The following TRAPPC9 variants were observed in gnomAD, a reference collection of about 807,000 sequenced individuals.
TRAPPC9 encodes IKK2 binding protein.
A neutral mutation model predicts 124.0 loss-of-function variants in TRAPPC9; 83 were observed. The ratio of observed to expected loss-of-function variants is 0.67; its 90% confidence interval spans 0.56 to 0.80. TRAPPC9 has a LOEUF of 0.80. Among genes scored for constraint, TRAPPC9 ranks in the 30% least tolerant of loss-of-function variants. The probability of loss-of-function intolerance (pLI) is 0.00; values close to 1 mark genes in which losing one functional copy is unlikely to be tolerated. For synonymous variants in TRAPPC9, 638 were observed against 617.5 expected (o/e 1.03, Z -0.49); for missense variants, 1,302 against 1,508.3 (o/e 0.86, Z 2.27).
chr8:139,843,131 C>A (rs562328686), intron 21 of TRAPPC9, among the ~76,000 whole-genome samples: 3 of 152,116 alleles, frequency 2.0e-5, no homozygotes, highest in Admixed American at 2.0e-4. Flanking sequence ...GGTGGGCACT[C>A]GACACATAGG....
Position 140,265,528 on chromosome 8 carries a change from T to TGGGCCTG in TRAPPC9, c.2278+10123_2278+10129dup, listed in dbSNP as rs1054094507. 1.6e-4 allele frequency among the ~76,000 whole-genome samples: 25 copies of TGGGCCTG among 152,290 alleles called. No homozygotes were observed. The South Asian group carries it at 1.9e-3, about 11-fold the overall frequency. ...TTAATATGTGTTTGCACCTCAAAAGTGGGCCTGTTTTCCCCATCCTTCCTG... is the reference window on the plus strand; with the variant it reads ...TTAATATGTGTTTGCACCTCAAAAGTGGGCCTGGGGCCTGTTTTCCCCATCCTTCCTG... On this transcript the variant is annotated intron_variant, in intron 15 of 22. Coordinates refer to ENST00000438773, the MANE Select transcript of TRAPPC9 (RefSeq NM_001160372.4).
intron 20 of TRAPPC9, among the ~76,000 whole-genome samples, chr8:139,898,948 C>T (rs1159262176): frequency 6.6e-6 from 1 of 151,546 alleles, no homozygotes; most frequent in South Asian, 2.1e-4. Context: ...GGTGAAACCC[C>T]GTCTCCACTA....
At chr8:140,042,606 C>A (rs1021199888) in intron 17 of TRAPPC9, among the ~76,000 whole-genome samples, 1 of 152,204 alleles carries the variant, frequency 6.6e-6, no homozygotes, top group Non-Finnish European at 1.5e-5. Flanking sequence ...CCTAGCTGAC[C>A]TCCTTCACCT....
chr8:139,896,630 C>T (rs1189976501), intron 20 of TRAPPC9, among the ~76,000 whole-genome samples: 2 of 152,232 alleles, frequency 1.3e-5, no homozygotes, highest in Non-Finnish European at 2.9e-5. Context: ...TGCTCTCTGG[C>T]TTTCAGAGAT....
rs114478493 is a variant in TRAPPC9 at position 140,050,731 on chromosome 8, G to C, written c.2557-26652C>G. Among the ~76,000 whole-genome samples the C allele has an allele frequency of 4.2e-3, 637 of 152,302 alleles. 9 individuals are homozygous for C. The highest frequency in any genetic ancestry group is 0.015 in the African/African-American group (605 of 41,552). On this transcript the variant is annotated intron_variant, in intron 17 of 22. Coordinates refer to ENST00000438773, the MANE Select transcript of TRAPPC9 (RefSeq NM_001160372.4). ...GATGGGGGCTGGGGAGGGAAGAAGG[G>C]GGGAAGTAATGAGTCACCAGCCTGG...
chr8:140,375,448 C>T (rs1396238210), intron 7 of TRAPPC9, among the ~76,000 whole-genome samples: 3 of 152,264 alleles, frequency 2.0e-5, no homozygotes, highest in South Asian at 4.1e-4. Context: ...CTGCTTTATT[C>T]TGTTAATAAG....
chr8:139,976,459 TAAGA>T (rs1312980397), intron 19 of TRAPPC9, among the ~76,000 whole-genome samples: 1 of 152,136 alleles, frequency 6.6e-6, no homozygotes, highest in Non-Finnish European at 1.5e-5. Context: ...CTCTCACCGC[TAAGA>T]AAAAGACAAA....
rs78877495 is a variant in TRAPPC9 at position 139,867,355 on chromosome 8, A to G, written c.3055+18524T>C. Among the ~76,000 whole-genome samples the G allele has an allele frequency of 4.9e-3, 750 of 152,368 alleles. 11 individuals carry two copies. The highest frequency in any genetic ancestry group is 0.017 in the African/African-American group (710 of 41,586). On this transcript the variant is annotated intron_variant, in intron 21 of 22. Transcript: ENST00000438773. Reference sequence around the variant, plus strand: ...GGTATCGAAATAACTAATAATAGCAATGAATTTTAACCCAATGAATAAAAT... The same window carrying G: ...GGTATCGAAATAACTAATAATAGCAGTGAATTTTAACCCAATGAATAAAAT...
chr8:140,031,664 A>C (rs1840503914), intron 17 of TRAPPC9, among the ~76,000 whole-genome samples: 1 of 152,256 alleles, frequency 6.6e-6, no homozygotes, highest in African/African-American at 2.4e-5. Flanking sequence ...CACAAATAAA[A>C]GCCATACCAT....
At chr8:139,883,908 CG>C (rs1328521228) in intron 21 of TRAPPC9, among the ~76,000 whole-genome samples, 2 of 152,144 alleles carry the variant, frequency 1.3e-5, no homozygotes, top group Admixed American at 1.3e-4. Context: ...ACCTCACTCA[CG>C]GGACTGTGGT....
At chr8:139,875,753 G>C (rs1254942045) in intron 21 of TRAPPC9, among the ~76,000 whole-genome samples, 1 of 152,228 alleles carries the variant, frequency 6.6e-6, no homozygotes, top group African/African-American at 2.4e-5. Flanking sequence ...AGGCAGACCA[G>C]GCCCTCAGAG....
chr8:139,784,625 A>ATG (rs1388761111), intron 21 of TRAPPC9, among the ~76,000 whole-genome samples: 1 of 142,060 alleles, frequency 7.0e-6, no homozygotes, highest in Non-Finnish European at 1.5e-5. Flanking sequence ...ATATATATAT[A>ATG]TATATATATA....
chr8:140,217,384 C>A (rs1258179248), intron 17 of TRAPPC9, among the ~76,000 whole-genome samples: 2 of 152,114 alleles, frequency 1.3e-5, no homozygotes, highest in African/African-American at 2.4e-5. Flanking sequence ...AAAGTAAACT[C>A]TGTGAGGGAC....
intron 17 of TRAPPC9, among the ~76,000 whole-genome samples, chr8:140,033,657 G>GGT: frequency 2.0e-5 from 1 of 49,304 alleles, no homozygotes; most frequent in African/African-American, 4.2e-5. Context: ...TTCATAATGT[G>GGT]GTTTTTTTTT....
intron 7 of TRAPPC9, among the ~76,000 whole-genome samples, chr8:140,377,047 G>A (rs945565346): frequency 6.6e-6 from 1 of 152,072 alleles, no homozygotes; most frequent in African/African-American, 2.4e-5. Context: ...TGCCCTTGTT[G>A]AGTGCACCAT....
intron 9 of TRAPPC9, among the ~76,000 whole-genome samples, chr8:140,335,483 C>G (rs2067010272): frequency 6.6e-6 from 1 of 152,038 alleles, no homozygotes; most frequent in Non-Finnish European, 1.5e-5. Flanking sequence ...ACACCCTTAA[C>G]TCAAACGGGA....
intron 12 of TRAPPC9, among the ~76,000 whole-genome samples, chr8:140,290,602 T>C (rs1417965599): frequency 6.6e-6 from 1 of 152,156 alleles, no homozygotes; most frequent in Non-Finnish European, 1.5e-5. Flanking sequence ...AGCTTGTTCT[T>C]CCCTGGGGCC....
intron 20 of TRAPPC9, among the ~76,000 whole-genome samples, chr8:139,906,522 G>C (rs1439631030): frequency 1.3e-5 from 2 of 152,084 alleles, no homozygotes; most frequent in African/African-American, 2.4e-5. Context: ...CCTCTGTTTC[G>C]ACAGAAATTA....
chr8:139,815,235 T>C (rs1824747564), intron 21 of TRAPPC9, among the ~76,000 whole-genome samples: 1 of 152,194 alleles, frequency 6.6e-6, no homozygotes, highest in African/African-American at 2.4e-5. Context: ...CCCAGCTCCC[T>C]GCCCGCCTTC....
Sources: gnomAD v4.1 joint callset for allele counts (sites outside exome capture counted in the v4.1 genomes callset) on GRCh38, gnomAD v4.1.1 for gene constraint, MANE v1.5 for transcripts, NCBI Gene and HGNC (gene_info 2026-07-23, HGNC 2026-07-21) for gene names.